CPNE3: variants seen among roughly 807,000 people sequenced by gnomAD.
CPNE3 encodes the protein copine 3.
Under a neutral mutation model 63.9 loss-of-function variants are expected in CPNE3, and 68 were observed. The ratio of observed to expected loss-of-function variants is 1.06; its 90% confidence interval spans 0.87 to 1.30. CPNE3 has a LOEUF of 1.30. Among genes scored for constraint, CPNE3 ranks in the 50% most tolerant of loss-of-function variants. The probability of loss-of-function intolerance (pLI) is 0.00; values close to 1 mark genes in which losing one functional copy is unlikely to be tolerated. For synonymous variants in CPNE3, 219 were observed against 197.5 expected (o/e 1.11, Z -0.91); for missense variants, 665 against 578.1 (o/e 1.15, Z -1.54).
intron 3 of CPNE3, 52 bp from the exon 4 acceptor site, chr8:86,528,893 C>A (rs930040499): frequency 1.3e-6 from 2 of 1,491,804 alleles, no homozygotes; most frequent in Admixed American, 3.9e-5. Context: ...TGTGAAAATC[C>A]AAGTGCACCT....
intron 2 of CPNE3, among the ~76,000 whole-genome samples, chr8:86,522,641 T>A (rs11992656): frequency 0.73 from 109,407 of 148,976 alleles, 41,122 homozygotes; most frequent in African/African-American, 0.83. Context: ...TAGGGTGTGT[T>A]TTGCTGATGT....
At chr8:86,545,820 G>A (rs1194681580) in intron 9 of CPNE3, among the ~76,000 whole-genome samples, 1 of 152,144 alleles carries the variant, frequency 6.6e-6, no homozygotes, top group Admixed American at 6.6e-5. Context: ...GTATAAGTTG[G>A]AGGTGATTAT....
Position 86,538,122 on chromosome 8 carries a change from C to T in CPNE3, c.543+476C>T, listed in dbSNP as rs373247452. Among the ~76,000 whole-genome samples the T allele has an allele frequency of 2.0e-4, 31 of 152,316 alleles. 1 individual carries two copies. The South Asian group carries it at 3.1e-3, about 15-fold the overall frequency. Reference sequence around the variant, plus strand: ...AAGTGTGGTGGCTCATGCCTGTAATCCCAGCACTTTGGGAAGCCAAGGCAG... The same window carrying T: ...AAGTGTGGTGGCTCATGCCTGTAATTCCAGCACTTTGGGAAGCCAAGGCAG... On this transcript the variant is annotated intron_variant, in intron 7 of 16. Coordinates refer to ENST00000517490, the MANE Select transcript of CPNE3 (RefSeq NM_003909.5).
chr8:86,532,300 C>T (rs775497816), intron 5 of CPNE3, among the ~76,000 whole-genome samples: 1 of 152,092 alleles, frequency 6.6e-6, no homozygotes, highest in African/African-American at 2.4e-5. Context: ...TTAATGCAGA[C>T]CTGGGCATAT....
At position 86,531,199 on chromosome 8, in the gene CPNE3, T is replaced by C; in HGVS notation, c.357T>C (p.Thr119=). 7.6e-7 allele frequency: 1 copy of C among 1,318,394 alleles called. No individual in the cohort carries two copies. Among genetic ancestry groups the C allele is most frequent in the South Asian group, 1.2e-5 (1 of 85,212 alleles). 81.7% of individuals were successfully genotyped at this position (1,318,394 alleles called of 1,614,324 possible). ...KKLTRPLVMK[T]GRPAGKGSIT... Reference sequence around the variant, plus strand: ...TAACTCGACCACTGGTGATGAAAACTGGCAGACCTGCAGGAAAAGGGAGCA... The same window carrying C: ...TAACTCGACCACTGGTGATGAAAACCGGCAGACCTGCAGGAAAAGGGAGCA... Residue 119 remains threonine (T), a synonymous_variant, in exon 5 of 17, where the codon ACT becomes ACC. Coordinates refer to ENST00000517490, the MANE Select transcript of CPNE3 (RefSeq NM_003909.5).
chr8:86,550,754 G>A (rs973139410), intron 12 of CPNE3, among the ~76,000 whole-genome samples: 1 of 152,180 alleles, frequency 6.6e-6, no homozygotes, highest in Non-Finnish European at 1.5e-5. Flanking sequence ...TTTGATCACT[G>A]AAATGATACA....
chr8:86,557,933 C>T (rs929970944), intron 16 of CPNE3, among the ~76,000 whole-genome samples: 1 of 151,872 alleles, frequency 6.6e-6, no homozygotes, highest in Non-Finnish European at 1.5e-5. Context: ...ACTGTTTTTG[C>T]AACTTCCTAT....
At position 86,558,407 on chromosome 8, in the gene CPNE3, G is replaced by A. The variant is rs769116507; in HGVS notation, c.1611G>A (p.Gln537=). Residue 537 remains glutamine, a synonymous_variant, in exon 17 of 17, where the codon CAG becomes CAA. Transcript: ENST00000517490. ...PKNPATKQQK[Q] is the part of the protein sequence containing the mutation. ...ACCCAGCCACGAAACAACAGAAGCA[G>A]TGACCACTTCAACAGAATTCTTTTG... 7 of 872,948 alleles carry A rather than the reference G, an allele frequency of 8.0e-6. No individual in the cohort carries two copies. In the Admixed American group the frequency reaches 1.2e-4, roughly 15 times the overall value. 54.1% of individuals were successfully genotyped at this position (872,948 alleles called of 1,614,324 possible). A position where few individuals can be genotyped will look rare whatever the true frequency, so the allele number is the denominator to read the frequency against.
Position 86,528,613 on chromosome 8 carries a change from T to G in CPNE3, c.68T>G (p.Ile23Arg). 6 of 1,614,132 alleles carry G rather than the reference T, an allele frequency of 3.7e-6. No individual in the cohort carries two copies. Among genetic ancestry groups the G allele is most frequent in the Non-Finnish European group, 5.1e-6 (6 of 1,179,982 alleles). The change falls in exon 3 of 17, where the codon ATA becomes AGA. Residue 23 changes from isoleucine (I) to arginine (R), a missense_variant. Coordinates refer to ENST00000517490, the MANE Select transcript of CPNE3 (RefSeq NM_003909.5). ...VSCANLLDKD[I>R]GSKSDPLCVL... ...TGTGCCAATCTTTTGGATAAAGATA[T>G]AGGGTCAAAGTCAGACCCTTTATGT...
At chr8:86,544,092 T>C (rs1466729324) in intron 8 of CPNE3, among the ~76,000 whole-genome samples, 1 of 152,052 alleles carries the variant, frequency 6.6e-6, no homozygotes, top group Non-Finnish European at 1.5e-5. Flanking sequence ...CTGTCTCACA[T>C]GGAAATAGAG....
intron 14 of CPNE3, among the ~76,000 whole-genome samples, chr8:86,551,759 A>T (rs769462925): frequency 6.6e-6 from 1 of 152,190 alleles, no homozygotes; most frequent in Non-Finnish European, 1.5e-5. Flanking sequence ...TTGATCTTCT[A>T]TAGCAGCTTT....
At chr8:86,549,622 A>G (rs1286871242) in intron 12 of CPNE3, among the ~76,000 whole-genome samples, 1 of 152,250 alleles carries the variant, frequency 6.6e-6, no homozygotes, top group East Asian at 1.9e-4. Context: ...GACTGCTGAA[A>G]TAGACACCCA....
At chr8:86,550,557 A>AC (rs1821151567) in intron 12 of CPNE3, among the ~76,000 whole-genome samples, 1 of 152,194 alleles carries the variant, frequency 6.6e-6, no homozygotes, top group African/African-American at 2.4e-5. Flanking sequence ...GTGGCTATTC[A>AC]TGTGATGTTA....
At chr8:86,525,914 A>T (rs1460835418) in intron 2 of CPNE3, among the ~76,000 whole-genome samples, 1 of 152,152 alleles carries the variant, frequency 6.6e-6, no homozygotes, top group South Asian at 2.1e-4. Flanking sequence ...CATACAACTC[A>T]CATTTATTTT....
chr8:86,529,170 C>A (rs1820613911), intron 4 of CPNE3, 46 bp downstream of exon 4: 1 of 1,506,700 alleles, frequency 6.6e-7, no homozygotes, highest in South Asian at 1.3e-5. Flanking sequence ...AAATTTTAAT[C>A]AATGAATTTG....
rs557275998 is a variant in CPNE3, at chr8:86,516,112, A to G, written c.-11+613A>G. Among the ~76,000 whole-genome samples, 2 of 152,168 alleles carry G rather than the reference A, an allele frequency of 1.3e-5. 1 individual carries two copies. The highest frequency in any genetic ancestry group is 4.1e-4 in the South Asian group (2 of 4,822). ...TCCCACTCTGGGCTGAAAAATTTCA[A>G]ACTCTGGGACTGGATCATTTTGAGA... On this transcript the variant is annotated intron_variant, in intron 2 of 16. Transcript: ENST00000517490.
chr8:86,526,638 G>A lies in CPNE3; in HGVS notation c.-10-1898G>A, dbSNP rs1324512621. ...AGCGATCCTCCTACCTCAGACTCCA[G>A]AGTAGCTGGGATCACAGGCTCATGC... On this transcript the variant is annotated intron_variant, in intron 2 of 16. Coordinates refer to ENST00000517490, the MANE Select transcript of CPNE3 (RefSeq NM_003909.5). Among the ~76,000 whole-genome samples, 4 of 152,052 alleles carry A rather than the reference G, an allele frequency of 2.6e-5. No homozygotes were observed. The South Asian group carries it at 6.2e-4, about 24-fold the overall frequency.
chr8:86,531,254 G>C (rs149300782), intron 5 of CPNE3, 25 bp downstream of exon 5: 4 of 960,104 alleles, frequency 4.2e-6, no homozygotes, highest in Middle Eastern at 2.1e-4. Context: ...TTTGTCTTTT[G>C]TCTCAAAAGA....
intron 7 of CPNE3, among the ~76,000 whole-genome samples, chr8:86,538,888 A>G (rs1015331400): frequency 3.3e-5 from 5 of 152,150 alleles, no homozygotes; most frequent in African/African-American, 7.2e-5. Flanking sequence ...CCCCTTTTTA[A>G]TTAATAAGTG....
Sources: gnomAD v4.1 joint callset for allele counts (sites outside exome capture counted in the v4.1 genomes callset) on GRCh38, gnomAD v4.1.1 for gene constraint, MANE v1.5 for transcripts, NCBI Gene and HGNC (gene_info 2026-07-23, HGNC 2026-07-21) for gene names.